FAM193A: variants seen among roughly 807,000 people sequenced by gnomAD.
FAM193A encodes protein FAM193A.
Under a neutral mutation model 126.5 loss-of-function variants are expected in FAM193A, and 22 were observed. The observed-to-expected ratio is 0.17, with a 90% CI of 0.12 to 0.25. FAM193A has a LOEUF of 0.25. Among genes scored for constraint, FAM193A ranks in the 10% least tolerant of loss-of-function variants. FAM193A has a pLI of 1.00. For missense variants in FAM193A, 1,675 were observed against 1,672.8 expected (o/e 1.00, Z -0.02); for synonymous variants, 761 against 646.8 (o/e 1.18, Z -2.68).
At chr4:2,627,621 A>G (rs1398334860) in intron 4 of FAM193A, among the ~76,000 whole-genome samples, 2 of 124,472 alleles carry the variant, frequency 1.6e-5, no homozygotes, top group African/African-American at 6.5e-5. Context: ...TCTGTCGCCC[A>G]GGCTGATGTG....
intron 1 of FAM193A, among the ~76,000 whole-genome samples, chr4:2,572,378 T>G (rs921114370): frequency 2.6e-5 from 4 of 151,514 alleles, no homozygotes; most frequent in Non-Finnish European, 4.4e-5. Context: ...TCTAATACCG[T>G]TTCCCCTGAA....
chr4:2,691,413 C>T (rs535986937), intron 15 of FAM193A, among the ~76,000 whole-genome samples: 2 of 152,280 alleles, frequency 1.3e-5, no homozygotes, highest in South Asian at 4.1e-4. Flanking sequence ...GACGGGGTTT[C>T]ACCATTTTGG....
chr4:2,596,060 T>C (rs139853550), intron 1 of FAM193A, 24 bp from the exon 2 acceptor site: 7 of 681,150 alleles, frequency 1.0e-5, no homozygotes, highest in East Asian at 2.7e-5. Context: ...GTTTTGAAAA[T>C]AGAATTTTTT....
intron 2 of FAM193A, among the ~76,000 whole-genome samples, chr4:2,597,503 C>G (rs1252319170): frequency 6.6e-6 from 1 of 152,164 alleles, no homozygotes; most frequent in Non-Finnish European, 1.5e-5. Context: ...TTGCCCTGGT[C>G]CAGAGGCCAG....
intron 12 of FAM193A, among the ~76,000 whole-genome samples, chr4:2,666,507 A>G (rs945887925): frequency 1.2e-4 from 18 of 152,216 alleles, no homozygotes; most frequent in African/African-American, 4.3e-4. Flanking sequence ...TGACTTTGGT[A>G]TCAGAGTAAT....
intron 1 of FAM193A, among the ~76,000 whole-genome samples, chr4:2,562,653 C>T (rs1422331224): frequency 3.3e-5 from 5 of 149,740 alleles, no homozygotes; most frequent in Admixed American, 6.6e-5. Flanking sequence ...TTTTTTTAGA[C>T]GGAGTCTTGC....
rs934474976 is a variant in FAM193A, at chr4:2,664,809, C to T, written c.2079+1521C>T. Among the ~76,000 whole-genome samples the T allele has an allele frequency of 7.9e-5, 12 of 152,064 alleles. No homozygotes were observed. In the South Asian group the frequency reaches 2.1e-3, roughly 26 times the overall value. ...CGAACTCCTGACCTTGTGATCCGCC[C>T]GTGTTGGCCTCCCAAAGTCCTGGGA... On this transcript the variant is annotated intron_variant, in intron 12 of 20. Coordinates refer to ENST00000637812, the MANE Select transcript of FAM193A (RefSeq NM_001366318.2).
intron 2 of FAM193A, among the ~76,000 whole-genome samples, chr4:2,623,104 G>A (rs535883485): frequency 7.9e-5 from 12 of 152,156 alleles, no homozygotes; most frequent in African/African-American, 2.9e-4. Context: ...CCTATTTGGG[G>A]TGGGATTCTT....
chr4:2,699,775 GGAA>G lies in FAM193A; in HGVS notation c.3609_3611del (p.Glu1205del), dbSNP rs773613254. The G allele has an allele frequency of 6.2e-7, 1 of 1,613,904 alleles. No homozygotes were observed. Among genetic ancestry groups the G allele is most frequent in the South Asian group, 1.1e-5 (1 of 91,066 alleles). On this transcript the variant is annotated inframe_deletion, in exon 19 of 21. Coordinates refer to ENST00000637812, the MANE Select transcript of FAM193A (RefSeq NM_001366318.2). ...GGCGGCGGGAGGAGGAGGAGGATGA[GGAA>G]GAAGAGGAGGATCGTTTCAAGGAGG... is the stretch of plus-strand genomic sequence containing the variant.
At chr4:2,702,255 AT>A (rs1254542369) in intron 19 of FAM193A, among the ~76,000 whole-genome samples, 1 of 152,080 alleles carries the variant, frequency 6.6e-6, no homozygotes, top group Non-Finnish European at 1.5e-5. Flanking sequence ...TGCTGTTTTG[AT>A]TGTCTGAGAT....
chr4:2,702,093 T>C (rs534253307), intron 19 of FAM193A, among the ~76,000 whole-genome samples: 7 of 152,290 alleles, frequency 4.6e-5, no homozygotes, highest in African/African-American at 1.7e-4. Flanking sequence ...TTTTCTAATA[T>C]TATTCTTTCT....
chr4:2,563,533 AAC>A (rs1738755192), intron 1 of FAM193A, among the ~76,000 whole-genome samples: 2 of 151,886 alleles, frequency 1.3e-5, no homozygotes, highest in Non-Finnish European at 2.9e-5. Flanking sequence ...TACAAAAAAA[AAC>A]AAAAAAAAAA....
At chr4:2,642,234 C>T (rs1052001325) in intron 6 of FAM193A, among the ~76,000 whole-genome samples, 7 of 151,634 alleles carry the variant, frequency 4.6e-5, no homozygotes, top group Non-Finnish European at 7.4e-5. Flanking sequence ...AACCTGGGAG[C>T]GGAGGTTGCA....
At chr4:2,687,643 G>A (rs1454104183) in intron 13 of FAM193A, among the ~76,000 whole-genome samples, 1 of 152,082 alleles carries the variant, frequency 6.6e-6, no homozygotes, top group Non-Finnish European at 1.5e-5. Flanking sequence ...TCCTTTCCTT[G>A]CCACCTTCAC....
intron 2 of FAM193A, chr4:2,615,339 A>G (rs1742115094): frequency 6.6e-6 from 1 of 152,040 alleles, no homozygotes; most frequent in African/African-American, 2.4e-5. Context: ...AATTCTATAC[A>G]TTTCTTTTAA....
rs565868722 is a variant in FAM193A, at chr4:2,563,611, G to T, written c.255+26441G>T. Among the ~76,000 whole-genome samples the T allele has an allele frequency of 2.0e-5, 3 of 152,240 alleles. No homozygotes were observed. In the South Asian group the frequency reaches 6.2e-4, roughly 31 times the overall value. On this transcript the variant is annotated intron_variant, in intron 1 of 20. Transcript: ENST00000637812. The stretch of plus-strand genomic sequence containing the variant: ...GGATCAGAGATAATGCTAATAGTGT[G>T]TGTGGAACAACAAGGACATTTATGG...
At chr4:2,731,740 T>C (rs750166395) in intron 20 of FAM193A, 35 bp from the exon 21 acceptor site, 1 of 1,550,872 alleles carries the variant, frequency 6.4e-7, no homozygotes, top group Non-Finnish European at 8.9e-7. Flanking sequence ...GTGGGCTGTT[T>C]CCTTCAGTGA....
chr4:2,542,073 TG>T (rs1459376662), intron 1 of FAM193A, among the ~76,000 whole-genome samples: 1 of 151,464 alleles, frequency 6.6e-6, no homozygotes, highest in Non-Finnish European at 1.5e-5. Context: ...TGGCGTACAG[TG>T]GGGTGATCTT....
At chr4:2,614,165 A>C (rs139414793) in intron 2 of FAM193A, among the ~76,000 whole-genome samples, 4 of 152,140 alleles carry the variant, frequency 2.6e-5, no homozygotes, top group Non-Finnish European at 5.9e-5. Flanking sequence ...TTCTTGCCCA[A>C]TTCCACTGAC....
Sources: allele counts gnomAD v4.1 joint callset (sites outside exome capture counted in the v4.1 genomes callset), GRCh38; gene constraint gnomAD v4.1.1; transcripts MANE v1.5; gene names NCBI Gene and HGNC (gene_info 2026-07-23, HGNC 2026-07-21).